RAPGEF6: variants seen among roughly 807,000 people sequenced by gnomAD.
The protein encoded by RAPGEF6 is PDZ domain containing guanine nucleotide exchange factor (GEF) 2.
RAPGEF6 carries 56 observed loss-of-function variants against 171.4 expected under a neutral mutation model. The observed-to-expected ratio is 0.33, with a 90% CI of 0.26 to 0.41. RAPGEF6 has a LOEUF of 0.41. Ranked by LOEUF, RAPGEF6 falls within the 10% of genes least tolerant of loss-of-function variation. RAPGEF6 has a pLI of 1.00. For missense variants in RAPGEF6, 1,674 were observed against 1,921.4 expected, an observed-to-expected ratio of 0.87 and a Z score of 2.41; for synonymous variants, 692 against 650.1, an observed-to-expected ratio of 1.06 and a Z score of -0.98.
chr5:131,587,541 C>T (rs1414400175), intron 4 of RAPGEF6, among the ~76,000 whole-genome samples: 1 of 152,190 alleles, frequency 6.6e-6, no homozygotes, highest in African/African-American at 2.4e-5. Flanking sequence ...ATGTTATCTG[C>T]ACTTTTCCCC....
At chr5:131,603,224 T>A (rs1383000106) in intron 3 of RAPGEF6, 47 bp downstream of exon 3, 6 of 1,347,850 alleles carry the variant, frequency 4.5e-6, no homozygotes, top group Non-Finnish European at 6.2e-6. Context: ...AGAGTTAAAA[T>A]TTAAACATAA....
intron 26 of RAPGEF6, 151 bp from the exon 27 acceptor site, chr5:131,429,367 A>G (rs1381829960): frequency 4.3e-6 from 3 of 705,640 alleles, no homozygotes; most frequent in African/African-American, 1.8e-5. Context: ...AACATTTTTT[A>G]AAAGTTTAAT....
intron 3 of RAPGEF6, among the ~76,000 whole-genome samples, chr5:131,596,527 A>T (rs181215839): frequency 7.0e-4 from 107 of 152,222 alleles, no homozygotes; most frequent in Middle Eastern, 3.4e-3. Flanking sequence ...AGCAATGGAC[A>T]GATCGATAGA....
chr5:131,580,071 C>T (rs756645975), intron 4 of RAPGEF6, among the ~76,000 whole-genome samples: 5 of 152,336 alleles, frequency 3.3e-5, no homozygotes, highest in Middle Eastern at 3.4e-3. Flanking sequence ...TGGGACCAGG[C>T]GCCGCAGAGC....
At chr5:131,593,686 T>C (rs768252420) in intron 3 of RAPGEF6, among the ~76,000 whole-genome samples, 1 of 152,242 alleles carries the variant, frequency 6.6e-6, no homozygotes, top group South Asian at 2.1e-4. Flanking sequence ...ACTCTTGCTA[T>C]GCTTTAGCAA....
At chr5:131,452,916 T>C in intron 21 of RAPGEF6, 138 bp downstream of exon 21, 1 of 1,072,136 alleles carries the variant, frequency 9.3e-7, no homozygotes, top group Non-Finnish European at 1.3e-6. Flanking sequence ...TGATAAATGA[T>C]TACATGAAAC....
At chr5:131,429,244 G>A in intron 26 of RAPGEF6, 28 bp from the exon 27 acceptor site, 3 of 1,450,350 alleles carry the variant, frequency 2.1e-6, no homozygotes, top group South Asian at 1.4e-5. Flanking sequence ...CAATGAAAAT[G>A]TTAATGAAAA....
chr5:131,520,913 G>C (rs1400481196), intron 7 of RAPGEF6, among the ~76,000 whole-genome samples: 3 of 152,096 alleles, frequency 2.0e-5, no homozygotes, highest in African/African-American at 7.2e-5. Flanking sequence ...TTGGGTTTTA[G>C]AAAATGGAAA....
rs114778627 is a variant in RAPGEF6 at position 131,616,697 on chromosome 5, A to G, written c.70-12004T>C. ...GCCCAGGCTGGAGTACAGTGGCACA[A>G]TCACGACTCACTGCAGCCTCAACCT... On this transcript the variant is annotated intron_variant, in intron 1 of 27. Coordinates refer to ENST00000509018, the MANE Select transcript of RAPGEF6 (RefSeq NM_016340.6). 7.2e-3 allele frequency among the ~76,000 whole-genome samples: 1,102 copies of G among 152,176 alleles called. 7 individuals are homozygous for G. The highest frequency in any genetic ancestry group is 0.025 in the African/African-American group (1,021 of 41,496).
chr5:131,523,913 C>T (rs527665315), intron 6 of RAPGEF6, among the ~76,000 whole-genome samples: 2 of 151,790 alleles, frequency 1.3e-5, no homozygotes, highest in South Asian at 2.1e-4. Context: ...TTAAAGTAGC[C>T]AGGAAAAAAA....
intron 5 of RAPGEF6, among the ~76,000 whole-genome samples, chr5:131,552,125 G>A (rs778547134): frequency 1.4e-4 from 21 of 151,992 alleles, no homozygotes; most frequent in South Asian, 4.1e-4. Flanking sequence ...AAATAGACAA[G>A]AGATGAAACA....
At chr5:131,604,810 G>GA in intron 1 of RAPGEF6, 117 bp from the exon 2 acceptor site, 1 of 1,258,444 alleles carries the variant, frequency 7.9e-7, no homozygotes, top group South Asian at 1.7e-5. Context: ...GTTAACTATG[G>GA]AAAAATCATA....
intron 21 of RAPGEF6, chr5:131,450,180 T>C: frequency 1.0e-6 from 1 of 967,832 alleles, no homozygotes. Flanking sequence ...AAATTACAGC[T>C]TAACAGTAAA....
intron 24 of RAPGEF6, among the ~76,000 whole-genome samples, chr5:131,434,418 T>C (rs1295303413): frequency 6.6e-6 from 1 of 152,168 alleles, no homozygotes; most frequent in Non-Finnish European, 1.5e-5. Flanking sequence ...TTTAAACTTT[T>C]TGCAGAAATG....
chr5:131,599,874 G>A (rs1221481875), intron 3 of RAPGEF6, among the ~76,000 whole-genome samples: 3 of 152,268 alleles, frequency 2.0e-5, no homozygotes, highest in African/African-American at 7.2e-5. Flanking sequence ...ATCAAACATA[G>A]AGAAATGATT....
At position 131,433,669 on chromosome 5, in the gene RAPGEF6, A is replaced by G. The variant is rs766998169; in HGVS notation, c.3746-11T>C. 19 of 1,571,936 alleles carry G rather than the reference A, an allele frequency of 1.2e-5. No homozygotes were observed. The African/African-American group carries it at 2.4e-4, about 20-fold the overall frequency. Reference sequence around the variant, plus strand: ...GAATAAGTGTGTAACCTGAACAAGAAAAGAGCACTGATCAAACTACAAAAA... The same window carrying G: ...GAATAAGTGTGTAACCTGAACAAGAGAAGAGCACTGATCAAACTACAAAAA... On this transcript the variant is annotated splice_polypyrimidine_tract_variant and intron_variant, in intron 24 of 27. Transcript: ENST00000509018.
chr5:131,615,615 A>G (rs1765217111), intron 1 of RAPGEF6, among the ~76,000 whole-genome samples: 2 of 152,166 alleles, frequency 1.3e-5, no homozygotes, highest in Non-Finnish European at 2.9e-5. Flanking sequence ...TCAAGAGGGA[A>G]GTCGGCTGGG....
chr5:131,575,789 G>A (rs538961655), intron 4 of RAPGEF6, among the ~76,000 whole-genome samples: 4 of 152,148 alleles, frequency 2.6e-5, no homozygotes, highest in Admixed American at 6.5e-5. Context: ...CTGTGCGGTC[G>A]GAGTTCTCTT....
chr5:131,429,377 TAAAC>T (rs1419635658), intron 26 of RAPGEF6, among the ~76,000 whole-genome samples, 161 bp from the exon 27 acceptor site: 3 of 152,268 alleles, frequency 2.0e-5, no homozygotes, highest in East Asian at 1.9e-4. Flanking sequence ...AAAAGTTTAA[TAAAC>T]AAACCTCTTT....
Sources: gnomAD v4.1 joint callset for allele counts (sites outside exome capture counted in the v4.1 genomes callset) on GRCh38, gnomAD v4.1.1 for gene constraint, MANE v1.5 for transcripts, NCBI Gene and HGNC (gene_info 2026-07-23, HGNC 2026-07-21) for gene names.